Variants in ITPR1 observed in about 807,000 individuals in gnomAD.
ITPR1 encodes the protein inositol 1,4,5-trisphosphate-gated calcium channel ITPR1.
In ITPR1, 96 loss-of-function variants were observed where a neutral mutation model predicts 318.4. The observed-to-expected ratio is 0.30, with a 90% CI of 0.26 to 0.36. ITPR1 has a LOEUF of 0.36. Among genes scored for constraint, ITPR1 ranks in the 10% least tolerant of loss-of-function variants. ITPR1 has a pLI of 1.00. For missense variants in ITPR1, 2,440 were observed against 3,460.2 expected, an observed-to-expected ratio of 0.71 and a Z score of 7.40; for synonymous variants, 1,312 against 1,289.9, an observed-to-expected ratio of 1.02 and a Z score of -0.37.
Position 4,795,050 on chromosome 3 carries a change from C to T in ITPR1, c.6809-15C>T, listed in dbSNP as rs774439941. On this transcript the variant is annotated splice_polypyrimidine_tract_variant and intron_variant, in intron 52 of 61. Transcript: ENST00000649015. Reference sequence around the variant, plus strand: ...GGGTCTCCAGCCTCACGCGGCTTTGCCTTTGTCTCTGCAGCCCAGCCCGTG... The same window carrying T: ...GGGTCTCCAGCCTCACGCGGCTTTGTCTTTGTCTCTGCAGCCCAGCCCGTG... 1.3e-6 allele frequency: 2 copies of T among 1,599,010 alleles called. No individual in the cohort carries two copies. Among genetic ancestry groups the T allele is most frequent in the Admixed American group, 1.7e-5 (1 of 58,686 alleles).
intron 14 of ITPR1, among the ~76,000 whole-genome samples, chr3:4,661,579 G>A (rs2093833752): frequency 6.6e-6 from 1 of 152,034 alleles, no homozygotes; most frequent in Admixed American, 6.6e-5. Flanking sequence ...TAGACATGGG[G>A]GTTTTCTTTT....
At chr3:4,740,207 T>C (rs1246166325) in intron 44 of ITPR1, among the ~76,000 whole-genome samples, 4 of 152,136 alleles carry the variant, frequency 2.6e-5, no homozygotes, top group South Asian at 4.1e-4. Flanking sequence ...TTATAATCGA[T>C]TGAGCACCTA....
intron 4 of ITPR1, among the ~76,000 whole-genome samples, chr3:4,627,470 A>C (rs1470155529): frequency 6.6e-6 from 1 of 151,584 alleles, no homozygotes; most frequent in African/African-American, 2.4e-5. Context: ...TCTTAAAAAC[A>C]AAAACAAAAA....
At chr3:4,557,271 A>G (rs924686451) in intron 4 of ITPR1, among the ~76,000 whole-genome samples, 4 of 152,230 alleles carry the variant, frequency 2.6e-5, no homozygotes, top group Non-Finnish European at 4.4e-5. Context: ...GTGGCAGGCA[A>G]GAGAGAGCAG....
At chr3:4,789,723 G>A (rs988119377) in intron 52 of ITPR1, among the ~76,000 whole-genome samples, 4 of 152,144 alleles carry the variant, frequency 2.6e-5, no homozygotes, top group Non-Finnish European at 4.4e-5. Flanking sequence ...GGGTTCAAGC[G>A]ATTCCCCTGC....
At position 4,673,238 on chromosome 3, in the gene ITPR1, G is replaced by C. The variant is rs1559662759; in HGVS notation, c.2307G>C (p.Met769Ile). ...QLDVDLILRC[M>I]SDENLPYDLR... ...ATGTCGATCTCATTCTCCGCTGCAT[G>C]TCTGACGAGAACCTGCCCTATGACC... Residue 769 changes from methionine to isoleucine, a missense_variant, in exon 21 of 62, where the codon ATG (methionine) becomes ATC (isoleucine). Physicochemically the swap from Met to Ile is conservative, Grantham distance 10 (BLOSUM62 1). Transcript: ENST00000649015. 6.2e-7 allele frequency: 1 copy of C among 1,614,032 alleles called. No individual in the cohort carries two copies. Among genetic ancestry groups the C allele is most frequent in the East Asian group, 2.2e-5 (1 of 44,882 alleles).
chr3:4,736,381 G>A (rs573503717), intron 44 of ITPR1, among the ~76,000 whole-genome samples: 53 of 152,368 alleles, frequency 3.5e-4, no homozygotes, highest in Admixed American at 2.8e-3. Context: ...GTGTGCCCCC[G>A]GCCAGGGTGC....
rs557155255 is a variant in ITPR1 at position 4,660,963 on chromosome 3, A to G, written c.1152-25A>G. ...AGTAAACCTCAATATTTATTTCCCT[A>G]AAACCCTCCTTTTTTCCCTGTTAGG... On this transcript the variant is annotated intron_variant, in intron 13 of 61. Transcript: ENST00000649015. 5.0e-5 allele frequency: 64 copies of G among 1,284,372 alleles called. No individual in the cohort carries two copies. The South Asian group carries it at 7.9e-4, about 16-fold the overall frequency. 79.6% of individuals were successfully genotyped at this position (1,284,372 alleles called of 1,614,324 possible).
chr3:4,696,638 T>A (rs1208899938), intron 33 of ITPR1, among the ~76,000 whole-genome samples: 9 of 151,906 alleles, frequency 5.9e-5, no homozygotes, highest in Non-Finnish European at 1.2e-4. Context: ...TTCTACGTCC[T>A]TGCTTCCTAA....
rs1195649354 is a variant in ITPR1 at position 4,800,564 on chromosome 3, G to A, written c.7071G>A (p.Gly2357=). 6.2e-7 allele frequency: 1 copy of A among 1,614,036 alleles called. No homozygotes were observed. ...STILRLIFSV[G]LQPTLFLLGA... is the part of the protein sequence containing the mutation. Reference sequence around the variant, plus strand: ...TTCTACGACTGATATTTTCAGTCGGGTTACAACCCACGTTGTTTCTTCTGG... The same window carrying A: ...TTCTACGACTGATATTTTCAGTCGGATTACAACCCACGTTGTTTCTTCTGG... The change falls in exon 54 of 62, where the codon GGG becomes GGA. Residue 2357 remains glycine (G), a synonymous_variant. Transcript: ENST00000649015.
chr3:4,664,535 G>A (rs1262145541), intron 16 of ITPR1, among the ~76,000 whole-genome samples: 1 of 152,186 alleles, frequency 6.6e-6, no homozygotes, highest in Non-Finnish European at 1.5e-5. Context: ...AATCCATCTT[G>A]TTTCAACAAG....
chr3:4,789,121 C>T (rs1413063203), intron 52 of ITPR1, among the ~76,000 whole-genome samples: 1 of 152,220 alleles, frequency 6.6e-6, no homozygotes, highest in Non-Finnish European at 1.5e-5. Flanking sequence ...CACCTCACTT[C>T]CAGCCCCGCT....
rs1296186220 is a variant in ITPR1 at position 4,831,211 on chromosome 3, G to C, written c.8029-5563G>C. On this transcript the variant is annotated intron_variant, in intron 60 of 61. Transcript: ENST00000649015. ...CCAGTCAAGGACATTTCAAGAGGTT[G>C]GTCAGTACCACCCCCATATCTAAAA... 1.1e-5 allele frequency: 4 copies of C among 356,484 alleles called. No homozygotes were observed. The East Asian group carries it at 2.2e-4, about 20-fold the overall frequency. The allele number at this position is 356,484 out of a possible 1,614,324, so 22.1% of individuals were successfully genotyped here.
At chr3:4,588,017 C>T (rs1206492443) in intron 4 of ITPR1, among the ~76,000 whole-genome samples, 1 of 152,070 alleles carries the variant, frequency 6.6e-6, no homozygotes, top group Non-Finnish European at 1.5e-5. Context: ...TATTGATTTT[C>T]CCCCCTCTTG....
chr3:4,737,492 G>C (rs968747383), intron 44 of ITPR1, among the ~76,000 whole-genome samples: 3 of 152,202 alleles, frequency 2.0e-5, no homozygotes, highest in African/African-American at 7.2e-5. Flanking sequence ...TGTGAGAGCA[G>C]CAGTTGGGTT....
chr3:4,678,322 C>T (rs923578023), intron 24 of ITPR1, among the ~76,000 whole-genome samples: 2 of 151,120 alleles, frequency 1.3e-5, no homozygotes, highest in Non-Finnish European at 2.9e-5. Flanking sequence ...TTTTTTTTGT[C>T]GAGACAAAAT....
chr3:4,763,586 G>A (rs775442668), intron 44 of ITPR1, among the ~76,000 whole-genome samples: 2 of 152,096 alleles, frequency 1.3e-5, no homozygotes, highest in Non-Finnish European at 2.9e-5. Flanking sequence ...GTGCTTACTT[G>A]TGTCTTCTAG....
At chr3:4,685,040 T>C (rs1426020506) in intron 29 of ITPR1, 29 bp from the exon 30 acceptor site, 3 of 1,600,506 alleles carry the variant, frequency 1.9e-6, no homozygotes, top group Non-Finnish European at 2.6e-6. Flanking sequence ...TTCCTAGTTT[T>C]CTGAGACTGA....
intron 12 of ITPR1, among the ~76,000 whole-genome samples, chr3:4,654,193 C>T (rs1204810034): frequency 6.6e-6 from 1 of 152,162 alleles, no homozygotes. Flanking sequence ...AGTGACACCT[C>T]ATATGGAAGA....
Sources: gnomAD v4.1 joint callset for allele counts (sites outside exome capture counted in the v4.1 genomes callset) on GRCh38, gnomAD v4.1.1 for gene constraint, MANE v1.5 for transcripts, NCBI Gene and HGNC (gene_info 2026-07-23, HGNC 2026-07-21) for gene names.